The following MAP2K5 variants were observed in gnomAD, a reference collection of about 807,000 sequenced individuals.
MAP2K5 encodes dual specificity mitogen-activated protein kinase kinase 5.
In MAP2K5, 49 loss-of-function variants were observed where a neutral mutation model predicts 83.1. The observed-to-expected ratio is 0.59, with a 90% confidence interval of 0.47 to 0.75. The LOEUF is 0.75. MAP2K5 is among the 30% of genes least tolerant of loss of function. The pLI is 0.00. For synonymous variants in MAP2K5, 202 were observed against 191.8 expected (o/e 1.05, Z -0.44); for missense variants, 457 against 557.5 (o/e 0.82, Z 1.82).
At chr15:67,630,316 A>G (rs1384912400) in intron 8 of MAP2K5, among the ~76,000 whole-genome samples, 4 of 152,216 alleles carry the variant, frequency 2.6e-5, no homozygotes, top group African/African-American at 7.2e-5. Context: ...CCCTATTCTC[A>G]TTCTTTTTCA....
Position 67,572,633 on chromosome 15 carries a change from G to A in MAP2K5, c.253-8121G>A, listed in dbSNP as rs2084971354. Among the ~76,000 whole-genome samples the A allele has an allele frequency of 6.6e-6, 1 of 152,142 alleles. No individual in the cohort carries two copies. The highest frequency in any genetic ancestry group is 1.5e-5 in the Non-Finnish European group (1 of 68,036). On this transcript the variant is annotated intron_variant, in intron 3 of 21. Transcript: ENST00000178640. This position sits in a 1 kb window ranked among gnomAD's most constrained non-coding sequence, Gnocchi z 4.2. ...AAAGGATCATGGGGAGATGTGCTCT[G>A]CTACAAGGGTTTGTGATAAAGGATT...
rs1324223761 is a variant in MAP2K5 at position 67,802,779 on chromosome 15, A to G, written c.1243-3867A>G. Among the ~76,000 whole-genome samples, 1 of 152,230 alleles carries G rather than the reference A, an allele frequency of 6.6e-6. No homozygotes were observed. The highest frequency in any genetic ancestry group is 1.5e-5 in the Non-Finnish European group (1 of 68,036). On this transcript the variant is annotated intron_variant, in intron 21 of 21. Transcript: ENST00000178640. The surrounding 1 kb of genome is among the most constrained non-coding windows in gnomAD (Gnocchi z 5.0). Reference sequence around the variant, plus strand: ...TGCCTGGGTTCCAGGGAGCTGCACCATGCCGCGCTTCCATTGTTCCTTATA... The same window carrying G: ...TGCCTGGGTTCCAGGGAGCTGCACCGTGCCGCGCTTCCATTGTTCCTTATA...
Position 67,760,858 on chromosome 15 carries a change from C to A in MAP2K5, c.1135-8744C>A, listed in dbSNP as rs1207574679. 1.3e-5 allele frequency among the ~76,000 whole-genome samples: 2 copies of A among 152,124 alleles called. No homozygotes were observed. Among genetic ancestry groups the A allele is most frequent in the Non-Finnish European group, 2.9e-5 (2 of 68,034 alleles). On this transcript the variant is annotated intron_variant, in intron 19 of 21. Transcript: ENST00000178640. This position sits in a 1 kb window ranked among gnomAD's most constrained non-coding sequence, Gnocchi z 4.1. ...AATCCACCATGATGGGACCTACACA[C>A]CCTGAGCCCAAGTTGGATGCCAGGG...
rs2084427687 is a variant in MAP2K5, at chr15:67,547,816, G to A, written c.136-2218G>A. Reference sequence around the variant, plus strand: ...GGTACATGTTATATTGTCAAGAGCAGAAGAAGGCCGCTTGGAAATAAGTCA... The same window carrying A: ...GGTACATGTTATATTGTCAAGAGCAAAAGAAGGCCGCTTGGAAATAAGTCA... On this transcript the variant is annotated intron_variant, in intron 1 of 21. Transcript: ENST00000178640. Among the ~76,000 whole-genome samples, 3 of 152,294 alleles carry A rather than the reference G, an allele frequency of 2.0e-5. 1 individual carries two copies. The highest frequency in any genetic ancestry group is 6.8e-3 in the Middle Eastern group (2 of 294).
chr15:67,628,194 AC>A (rs2086372141), intron 8 of MAP2K5: 2 of 879,030 alleles, frequency 2.3e-6, no homozygotes, highest in South Asian at 1.4e-5. Flanking sequence ...TAAAGAAGAT[AC>A]TGAAGGCTGG....
At position 67,638,010 on chromosome 15, in the gene MAP2K5, A is replaced by AACTTTTTTTT. The variant is rs1341471088; in HGVS notation, c.585+7090_585+7099dup. Among the ~76,000 whole-genome samples, 102 of 149,680 alleles carry AACTTTTTTTT rather than the reference A, an allele frequency of 6.8e-4. No individual in the cohort carries two copies. Among genetic ancestry groups the AACTTTTTTTT allele is most frequent in the Admixed American group, 2.4e-3 (36 of 15,044 alleles). The stretch of plus-strand genomic sequence containing the variant: ...TTTAACTTTTAATTTAACTTTTTTT[A>AACTTTTTTTT]ACTTTTTTTTACTTTTAATTTTTTA... On this transcript the variant is annotated intron_variant, in intron 9 of 21. Transcript: ENST00000178640. The surrounding 1 kb of genome is among the most constrained non-coding windows in gnomAD (Gnocchi z 4.5).
At position 67,748,395 on chromosome 15, in the gene MAP2K5, A is replaced by T; in HGVS notation, c.1101+138A>T. ...GCAAACCTTTAACTGCCTGTATTAG[A>T]TTAGGTACCATTAGAAATAATAGAA... is the stretch of plus-strand genomic sequence containing the variant. On this transcript the variant is annotated intron_variant, in intron 18 of 21. Transcript: ENST00000178640. The surrounding 1 kb of genome is among the most constrained non-coding windows in gnomAD (Gnocchi z 4.0). The T allele has an allele frequency of 1.2e-6, 1 of 836,636 alleles. No individual in the cohort carries two copies. The highest frequency in any genetic ancestry group is 1.9e-6 in the Non-Finnish European group (1 of 515,384). The allele number at this position is 836,636 out of a possible 1,614,324, so 51.8% of individuals were successfully genotyped here.
At chr15:67,725,939 T>C (rs56804212) in intron 16 of MAP2K5, among the ~76,000 whole-genome samples, 2,645 of 152,258 alleles carry the variant, frequency 0.017, 90 homozygotes, top group African/African-American at 0.061. Context: ...AGTCTCTCCC[T>C]TTTCCCTCCC....
chr15:67,577,828 C>A lies in MAP2K5; in HGVS notation c.253-2926C>A, dbSNP rs1464504350. On this transcript the variant is annotated intron_variant, in intron 3 of 21. Coordinates refer to ENST00000178640, the MANE Select transcript of MAP2K5 (RefSeq NM_145160.3). This position sits in a 1 kb window ranked among gnomAD's most constrained non-coding sequence, Gnocchi z 4.1. ...CCAGCCTGGCCAACATGGTGAAACC[C>A]CATCTCTACTAAAAATACAAAAATT... Among the ~76,000 whole-genome samples, 1 of 152,012 alleles carries A rather than the reference C, an allele frequency of 6.6e-6. No individual in the cohort carries two copies. The highest frequency in any genetic ancestry group is 2.4e-5 in the African/African-American group (1 of 41,368).
At chr15:67,635,994 G>A (rs758474567) in intron 9 of MAP2K5, among the ~76,000 whole-genome samples, 1 of 151,990 alleles carries the variant, frequency 6.6e-6, no homozygotes, top group Admixed American at 6.6e-5. Context: ...AATAAAGATG[G>A]GGTTTTGCCA....
chr15:67,609,708 GA>G (rs2085873993), intron 8 of MAP2K5, among the ~76,000 whole-genome samples: 38 of 149,048 alleles, frequency 2.5e-4, no homozygotes, highest in African/African-American at 5.2e-4. Flanking sequence ...TAGGTCTATA[GA>G]ATAGACTTTG....
chr15:67,626,358 A>G (rs188938515), intron 8 of MAP2K5, among the ~76,000 whole-genome samples: 3 of 152,188 alleles, frequency 2.0e-5, no homozygotes, highest in Admixed American at 2.0e-4. Context: ...CCTTGTCTCT[A>G]TGAAAAATAC....
intron 17 of MAP2K5, among the ~76,000 whole-genome samples, chr15:67,743,160 A>C (rs1369316131): frequency 6.6e-6 from 1 of 152,188 alleles, no homozygotes; most frequent in East Asian, 1.9e-4. Context: ...TTGCTTTTCA[A>C]AACTGGTCAC....
intron 19 of MAP2K5, among the ~76,000 whole-genome samples, chr15:67,759,924 A>C (rs991327321): frequency 6.6e-6 from 1 of 152,258 alleles, no homozygotes; most frequent in African/African-American, 2.4e-5. Flanking sequence ...AAGCATATGC[A>C]CACAATGGTC....
intron 19 of MAP2K5, among the ~76,000 whole-genome samples, chr15:67,763,594 A>G (rs908325905): frequency 1.3e-5 from 2 of 152,102 alleles, no homozygotes; most frequent in African/African-American, 4.8e-5. Flanking sequence ...ATTAGCTTCT[A>G]TGGAGATCCT....
At chr15:67,582,059 CTTTTT>C (rs944586636) in intron 4 of MAP2K5, among the ~76,000 whole-genome samples, 1 of 122,724 alleles carries the variant, frequency 8.1e-6, no homozygotes, top group East Asian at 2.3e-4. Flanking sequence ...TAGATGATTT[CTTTTT>C]TTTTTTTTTT....
At chr15:67,803,368 G>A (rs2090740746) in intron 21 of MAP2K5, among the ~76,000 whole-genome samples, 1 of 152,142 alleles carries the variant, frequency 6.6e-6, no homozygotes, top group Admixed American at 6.5e-5. Context: ...GGCCAAGTGA[G>A]TTTTGTGCTT....
chr15:67,806,682 G>A lies in MAP2K5; in HGVS notation c.1279G>A (p.Ala427Thr). 1.3e-6 allele frequency: 2 copies of A among 1,551,438 alleles called. No homozygotes were observed. The highest frequency in any genetic ancestry group is 8.7e-7 in the Non-Finnish European group (1 of 1,147,286). Reference sequence around the variant, plus strand: ...CATCGTGCAGTTCAATGATGGAAATGCCGCCGTGGTGTCCATGTGGGTGTG... The same window carrying A: ...CATCGTGCAGTTCAATGATGGAAATACCGCCGTGGTGTCCATGTGGGTGTG... ...PFIVQFNDGN[A>T]AVVSMWVCRA... Residue 427 changes from alanine to threonine, a missense_variant, in exon 22 of 22, where the codon GCC (alanine) becomes ACC (threonine). Physicochemically the swap from Ala to Thr is moderately conservative, Grantham distance 58. Coordinates refer to ENST00000178640, the MANE Select transcript of MAP2K5 (RefSeq NM_145160.3).
chr15:67,687,838 C>T (rs1271349400), intron 13 of MAP2K5, among the ~76,000 whole-genome samples: 1 of 151,682 alleles, frequency 6.6e-6, no homozygotes, highest in African/African-American at 2.4e-5. Context: ...TGGTAGTGAA[C>T]AAAACAGACC....
Sources: allele counts gnomAD v4.1 joint callset (sites outside exome capture counted in the v4.1 genomes callset), GRCh38; gene constraint gnomAD v4.1.1; non-coding constraint Gnocchi (gnomAD v3.1); transcripts MANE v1.5; gene names NCBI Gene and HGNC (gene_info 2026-07-23, HGNC 2026-07-21).